Variants in MTCL1 observed in about 807,000 individuals in gnomAD.
MTCL1 encodes the protein microtubule cross-linking factor 1.
In MTCL1, 79 loss-of-function variants were observed where a neutral mutation model predicts 141.4. That is an observed-to-expected ratio of 0.56 (90% confidence interval 0.47 to 0.67). MTCL1 has a LOEUF of 0.67. Ranked by LOEUF, MTCL1 falls within the 30% of genes least tolerant of loss-of-function variation. The pLI is 0.00. For missense variants in MTCL1, 2,177 were observed against 2,113.9 expected (o/e 1.03, Z -0.59); for synonymous variants, 914 against 875.8 (o/e 1.04, Z -0.77).
At chr18:8,829,264 T>G in intron 16 of MTCL1, 2 of 985,452 alleles carry the variant, frequency 2.0e-6, no homozygotes, top group Non-Finnish European at 2.4e-6. Flanking sequence ...ATTGAGTAGA[T>G]ACTGGCCAGG....
chr18:8,819,333 G>A, intron 13 of MTCL1, 74 bp downstream of exon 12: 1 of 1,504,116 alleles, frequency 6.6e-7, no homozygotes, highest in Non-Finnish European at 9.0e-7. Context: ...AGAGGCATCT[G>A]CCAGATTCCT....
chr18:8,791,713 T>G (rs1257816996), intron 7 of MTCL1, among the ~76,000 whole-genome samples: 2 of 152,150 alleles, frequency 1.3e-5, no homozygotes, highest in African/African-American at 4.8e-5. Flanking sequence ...ATTCAACATG[T>G]AGGGAAATGC....
chr18:8,705,683 C>T lies in MTCL1; in HGVS notation c.23C>T (p.Ala8Val). The T allele has an allele frequency of 8.3e-7, 1 of 1,200,232 alleles. No individual in the cohort carries two copies. Among genetic ancestry groups the T allele is most frequent in the Non-Finnish European group, 1.0e-6 (1 of 967,114 alleles). The allele number at this position is 1,200,232 out of a possible 1,614,324, so 74.3% of individuals were successfully genotyped here. ...GCCATGGAGACACTGAACGGCCCCG[C>T]GGGCGGAGGTGCCCCGGACGCGAAG... The change falls in exon 1 of 14, where the codon GCG becomes GTG. Residue 8 changes from alanine to valine, a missense_variant. Ala to Val is a moderately conservative substitution (Grantham distance 64). Coordinates refer to the MTCL1 transcript ENST00000306329. This position sits in a 1 kb window ranked among gnomAD's most constrained non-coding sequence, Gnocchi z 5.2.
intron 8 of MTCL1, among the ~76,000 whole-genome samples, chr18:8,795,975 T>A (rs1568053834): frequency 6.6e-6 from 1 of 152,222 alleles, no homozygotes; most frequent in Non-Finnish European, 1.5e-5. Context: ...AAAAACACCA[T>A]GAGAGACTTG....
At chr18:8,753,031 A>C (rs530189536) in intron 4 of MTCL1, among the ~76,000 whole-genome samples, 1 of 152,294 alleles carries the variant, frequency 6.6e-6, no homozygotes, top group South Asian at 2.1e-4. Flanking sequence ...TAGACCCCTA[A>C]GGCTATAAGA....
chr18:8,710,303 G>A (rs894132161), intron 1 of MTCL1, among the ~76,000 whole-genome samples: 3 of 142,216 alleles, frequency 2.1e-5, no homozygotes, highest in Non-Finnish European at 3.0e-5. Flanking sequence ...AATCAATCCA[G>A]GTAGCTGGCT....
chr18:8,819,376 C>A, intron 13 of MTCL1, 117 bp downstream of exon 12: 1 of 1,014,170 alleles, frequency 9.9e-7, no homozygotes, highest in Non-Finnish European at 1.4e-6. Context: ...TTGCATACAG[C>A]AACCTCCGAA....
chr18:8,792,715 C>G (rs1197507726), intron 7 of MTCL1, among the ~76,000 whole-genome samples: 1 of 152,158 alleles, frequency 6.6e-6, no homozygotes, highest in Non-Finnish European at 1.5e-5. Context: ...ACTTCCTTCT[C>G]TCAGTCTGGT....
intron 4 of MTCL1, among the ~76,000 whole-genome samples, chr18:8,721,416 C>T (rs2096171299): frequency 1.3e-5 from 2 of 151,876 alleles, no homozygotes; most frequent in Admixed American, 6.6e-5. Flanking sequence ...GCTCTCAAGG[C>T]GCCTCCAGTT....
intron 8 of MTCL1, 21 bp downstream of exon 7, chr18:8,793,141 C>G (rs751783961): frequency 6.2e-7 from 1 of 1,611,830 alleles, no homozygotes; most frequent in Non-Finnish European, 8.5e-7. Flanking sequence ...AACACGGACT[C>G]AGCACAACCG....
chr18:8,799,806 T>A (rs987533578), intron 10 of MTCL1, among the ~76,000 whole-genome samples: 2 of 152,154 alleles, frequency 1.3e-5, no homozygotes, highest in Non-Finnish European at 2.9e-5. Flanking sequence ...TCATAGAAAA[T>A]GTTACTGTCA....
rs116814140 is a variant in MTCL1, at chr18:8,824,968, C to A, written c.3458C>A (p.Ser1153Tyr). The change falls in exon 15 of 17, where the codon TCC becomes TAC. Residue 1153 changes from serine to tyrosine, a missense_variant. Transcript: ENST00000359865. The stretch of plus-strand genomic sequence containing the variant: ...GACAGCACAGAGCCTTTCCCCGACT[C>A]CTCCTGGTACCTAACCACAAGTGTC... 6 of 1,613,530 alleles carry A rather than the reference C, an allele frequency of 3.7e-6. No individual in the cohort carries two copies. The African/African-American group carries it at 5.3e-5, about 14-fold the overall frequency.
chr18:8,806,160 T>C (rs913093065), intron 10 of MTCL1, among the ~76,000 whole-genome samples: 1 of 152,140 alleles, frequency 6.6e-6, no homozygotes, highest in African/African-American at 2.4e-5. Flanking sequence ...TGGGGGCTGA[T>C]AGTTCTATCT....
In MTCL1 at chr18:8,824,971, C is replaced by T. The variant is rs1288668106; in HGVS notation, c.3461C>T (p.Ser1154Phe). 3 of 1,613,396 alleles carry T rather than the reference C, an allele frequency of 1.9e-6. No individual in the cohort carries two copies. The African/African-American group carries it at 4.0e-5, about 22-fold the overall frequency. Reference sequence around the variant, plus strand: ...AGCACAGAGCCTTTCCCCGACTCCTCCTGGTACCTAACCACAAGTGTCACC... The same window carrying T: ...AGCACAGAGCCTTTCCCCGACTCCTTCTGGTACCTAACCACAAGTGTCACC... Residue 1154 changes from serine (S) to phenylalanine (F), a missense_variant, in exon 15 of 17, where the codon TCC becomes TTC. Transcript: ENST00000359865.
At chr18:8,809,660 G>A (rs2076415474) in intron 11 of MTCL1, 1 of 1,497,940 alleles carries the variant, frequency 6.7e-7, no homozygotes, top group Admixed American at 2.1e-5. Flanking sequence ...GCCGGGCCTG[G>A]TGGCCGGTTC....
chr18:8,792,114 C>T (rs907078413), intron 7 of MTCL1, among the ~76,000 whole-genome samples: 6 of 152,276 alleles, frequency 3.9e-5, no homozygotes, highest in Middle Eastern at 3.4e-3. Context: ...CCAGTGAAAC[C>T]GCACGTATTT....
chr18:8,716,930 G>A (rs1380036788), upstream of MTCL1, among the ~76,000 whole-genome samples: 2 of 152,128 alleles, frequency 1.3e-5, no homozygotes, highest in African/African-American at 2.4e-5. Flanking sequence ...CTTCAGTAGA[G>A]TGAATATCTC....
intron 6 of MTCL1, among the ~76,000 whole-genome samples, chr18:8,785,305 C>G: frequency 6.6e-6 from 1 of 152,216 alleles, no homozygotes. Flanking sequence ...GGGTGTGTTT[C>G]AAGGGACACA....
At chr18:8,762,165 T>A (rs2096435632) in intron 4 of MTCL1, among the ~76,000 whole-genome samples, 1 of 152,188 alleles carries the variant, frequency 6.6e-6, no homozygotes, top group Non-Finnish European at 1.5e-5. Context: ...TAGGTTTGAG[T>A]CCCTGATAAT....
Sources: allele counts gnomAD v4.1 joint callset (sites outside exome capture counted in the v4.1 genomes callset), GRCh38; gene constraint gnomAD v4.1.1; non-coding constraint Gnocchi (gnomAD v3.1); transcripts MANE v1.5; gene names NCBI Gene and HGNC (gene_info 2026-07-23, HGNC 2026-07-21).